The following WASF3 variants were observed in gnomAD, a reference collection of about 807,000 sequenced individuals.
WASF3 encodes the protein WASP family member 3.
A neutral mutation model predicts 46.6 loss-of-function variants in WASF3; 11 were observed. That is an observed-to-expected ratio of 0.24 (90% CI 0.15 to 0.39). The LOEUF is 0.39. Among genes scored for constraint, WASF3 ranks in the 10% least tolerant of loss-of-function variants. The probability of loss-of-function intolerance (pLI) is 1.00; values close to 1 mark genes in which losing one functional copy is unlikely to be tolerated. For missense variants in WASF3, 576 were observed against 669.8 expected (o/e 0.86, Z 1.55); for synonymous variants, 242 against 259.7 (o/e 0.93, Z 0.65).
At chr13:26,671,014 G>C (rs913920354) in intron 5 of WASF3, among the ~76,000 whole-genome samples, 1 of 152,122 alleles carries the variant, frequency 6.6e-6, no homozygotes, top group Non-Finnish European at 1.5e-5. Context: ...TGCTTCCCCT[G>C]TGTTCCTTAA....
intron 1 of WASF3, among the ~76,000 whole-genome samples, chr13:26,586,379 A>T (rs1476867475): frequency 6.6e-6 from 1 of 152,170 alleles, no homozygotes; most frequent in Non-Finnish European, 1.5e-5. Flanking sequence ...TTGTTATAAT[A>T]GCATTTAACC....
Position 26,595,607 on chromosome 13 carries a change from C to G in WASF3, c.-108-17354C>G, listed in dbSNP as rs1217511461. Among the ~76,000 whole-genome samples, 4 of 152,128 alleles carry G rather than the reference C, an allele frequency of 2.6e-5. 1 individual carries two copies. The highest frequency in any genetic ancestry group is 7.2e-5 in the African/African-American group (3 of 41,418). On this transcript the variant is annotated intron_variant, in intron 1 of 9. Transcript: ENST00000335327. ...TATAACCGCTGCCACCTTCAAGATACAGTACTGTCCCATCACCACAAAATC... is the reference window on the plus strand; with the variant it reads ...TATAACCGCTGCCACCTTCAAGATAGAGTACTGTCCCATCACCACAAAATC...
rs936828806 is a variant in WASF3, at chr13:26,593,489, G to A, written c.-108-19472G>A. Among the ~76,000 whole-genome samples the A allele has an allele frequency of 4.6e-5, 7 of 152,102 alleles. No individual in the cohort carries two copies. The East Asian group carries it at 1.2e-3, about 25-fold the overall frequency. ...TAAATTATTGTTATTATTATTTACT[G>A]TTAGTCTTGTGCTTTATGTCTTTAA... On this transcript the variant is annotated intron_variant, in intron 1 of 9. Transcript: ENST00000335327.
chr13:26,595,085 A>G (rs1230223130), intron 1 of WASF3, among the ~76,000 whole-genome samples: 1 of 152,192 alleles, frequency 6.6e-6, no homozygotes, highest in Non-Finnish European at 1.5e-5. Context: ...TATGAGTGTT[A>G]TTTATCTTTG....
intron 2 of WASF3, among the ~76,000 whole-genome samples, chr13:26,624,787 A>G (rs1881415991): frequency 6.6e-6 from 1 of 152,222 alleles, no homozygotes. Context: ...GAATAACAGC[A>G]GACTTCTTGT....
intron 3 of WASF3, among the ~76,000 whole-genome samples, chr13:26,646,146 C>T (rs1882144483): frequency 6.6e-6 from 1 of 152,154 alleles, no homozygotes; most frequent in Non-Finnish European, 1.5e-5. Context: ...AACACTAGCA[C>T]ATAGTAAATG....
At chr13:26,673,549 T>C (rs756438329) in intron 6 of WASF3, among the ~76,000 whole-genome samples, 4 of 152,184 alleles carry the variant, frequency 2.6e-5, no homozygotes, top group African/African-American at 4.8e-5. Context: ...AATGTTCATA[T>C]AGGTCCGCTT....
intron 1 of WASF3, among the ~76,000 whole-genome samples, chr13:26,610,013 A>C (rs937563938): frequency 6.6e-6 from 1 of 152,206 alleles, no homozygotes; most frequent in Non-Finnish European, 1.5e-5. Context: ...GCACATTTCA[A>C]GCTGGATCCA....
At chr13:26,570,790 G>A (rs1476567874) in intron 1 of WASF3, among the ~76,000 whole-genome samples, 2 of 152,156 alleles carry the variant, frequency 1.3e-5, no homozygotes, top group Non-Finnish European at 2.9e-5. Context: ...TTATATTGCA[G>A]GAGGTTTAAT....
chr13:26,630,482 C>G (rs1881616914), intron 2 of WASF3, among the ~76,000 whole-genome samples: 1 of 152,216 alleles, frequency 6.6e-6, no homozygotes, highest in South Asian at 2.1e-4. Flanking sequence ...CTGCAAAGGA[C>G]ATGAACTCAT....
chr13:26,566,790 A>T (rs1200840471), intron 1 of WASF3, among the ~76,000 whole-genome samples: 1 of 152,220 alleles, frequency 6.6e-6, no homozygotes. Context: ...CTGGACACAT[A>T]GCAGAGCTAT....
chr13:26,631,399 G>T (rs955981357), intron 2 of WASF3, among the ~76,000 whole-genome samples: 15 of 152,204 alleles, frequency 9.9e-5, no homozygotes, highest in Non-Finnish European at 2.2e-4. Flanking sequence ...TGGCTAGCCA[G>T]TTTTCCCAGC....
At chr13:26,651,811 C>T (rs978561206) in intron 3 of WASF3, among the ~76,000 whole-genome samples, 4 of 152,108 alleles carry the variant, frequency 2.6e-5, no homozygotes, top group African/African-American at 9.7e-5. Flanking sequence ...ACAGTAAATG[C>T]TGAGTGTGAA....
At chr13:26,637,760 C>T (rs572930731) in intron 2 of WASF3, among the ~76,000 whole-genome samples, 6 of 152,302 alleles carry the variant, frequency 3.9e-5, no homozygotes, top group South Asian at 2.1e-4. Flanking sequence ...CTTTAGCAAT[C>T]GAGCCATGAC....
At chr13:26,570,055 G>C (rs562005741) in intron 1 of WASF3, among the ~76,000 whole-genome samples, 2 of 152,322 alleles carry the variant, frequency 1.3e-5, no homozygotes, top group African/African-American at 4.8e-5. Context: ...GGAGGCCAAG[G>C]TGGGCGGATC....
intron 2 of WASF3, among the ~76,000 whole-genome samples, chr13:26,613,719 G>A (rs1419702643): frequency 6.6e-6 from 1 of 152,120 alleles, no homozygotes; most frequent in Non-Finnish European, 1.5e-5. Context: ...GCAGTGAGCC[G>A]AGATCGTGCC....
At chr13:26,637,798 G>A (rs1392516523) in intron 2 of WASF3, among the ~76,000 whole-genome samples, 2 of 152,172 alleles carry the variant, frequency 1.3e-5, no homozygotes, top group Non-Finnish European at 2.9e-5. Context: ...CTCCTATCAG[G>A]ATGGCATCCT....
intron 7 of WASF3, chr13:26,680,270 G>A (rs1488024916): frequency 6.8e-7 from 1 of 1,481,308 alleles, no homozygotes; most frequent in Non-Finnish European, 8.9e-7. Flanking sequence ...ATGAGAGGAT[G>A]TACAGCCCCT....
intron 3 of WASF3, among the ~76,000 whole-genome samples, chr13:26,648,842 C>A (rs1010688084): frequency 2.6e-5 from 4 of 152,088 alleles, no homozygotes; most frequent in Non-Finnish European, 5.9e-5. Flanking sequence ...AGTATAAGAG[C>A]CCCACCACCC....
Sources: gnomAD v4.1 joint callset for allele counts (sites outside exome capture counted in the v4.1 genomes callset) on GRCh38, gnomAD v4.1.1 for gene constraint, MANE v1.5 for transcripts, NCBI Gene and HGNC (gene_info 2026-07-23, HGNC 2026-07-21) for gene names.